Variants in PCDHA4 observed in about 807,000 individuals in gnomAD.
PCDHA4 encodes the protein protocadherin alpha 4, also known as protocadherin alpha-4.
In PCDHA4, 49 loss-of-function variants were observed where a neutral mutation model predicts 61.4. That is an observed-to-expected ratio of 0.80 (90% CI 0.63 to 1.01). The LOEUF (loss-of-function observed/expected upper bound fraction) is 1.01, where lower values mean the gene tolerates loss of function less well. Ranked by LOEUF, PCDHA4 falls within the 50% of genes least tolerant of loss-of-function variation. PCDHA4 has a pLI of 0.00. For synonymous variants in PCDHA4, 590 were observed against 550.3 expected (o/e 1.07, Z -1.01); for missense variants, 1,254 against 1,235.8 (o/e 1.01, Z -0.22).
At chr5:140,815,471 C>T (rs1243746743) in intron 1 of PCDHA4, 2 of 152,062 alleles carry the variant, frequency 1.3e-5, no homozygotes, top group Admixed American at 6.6e-5. Flanking sequence ...ATTATGTTTA[C>T]TTCTCCCCTA....
At chr5:140,844,829 G>A (rs1252495421) in intron 1 of PCDHA4, among the ~76,000 whole-genome samples, 1 of 148,848 alleles carries the variant, frequency 6.7e-6, no homozygotes, top group East Asian at 1.9e-4. Flanking sequence ...CTTTTTACAC[G>A]TTTGCTTCTT....
chr5:140,807,985 C>T lies in PCDHA4; in HGVS notation c.798C>T (p.Ala266=), dbSNP rs782010468. Reference sequence around the variant, plus strand: ...GAACATTGGTAATTAAACTTAACGCCTCAGATTTAGACGAAGGATTGAATG... The same window carrying T: ...GAACATTGGTAATTAAACTTAACGCTTCAGATTTAGACGAAGGATTGAATG... ...PNGTLVIKLN[A]SDLDEGLNGD... Residue 266 remains alanine, a synonymous_variant, in exon 1 of 4, where the codon GCC becomes GCT. Transcript: ENST00000530339. The T allele has an allele frequency of 1.9e-6, 3 of 1,613,554 alleles. No individual in the cohort carries two copies. The highest frequency in any genetic ancestry group is 4.5e-5 in the East Asian group (2 of 44,896).
chr5:140,812,982 T>C, intron 1 of PCDHA4: 1 of 152,248 alleles, frequency 6.6e-6, no homozygotes, highest in Non-Finnish European at 1.5e-5. Context: ...TCTAGTTTTA[T>C]TCCACTGTGG....
chr5:140,891,876 G>C (rs781983742), intron 1 of PCDHA4, among the ~76,000 whole-genome samples: 9 of 152,186 alleles, frequency 5.9e-5, no homozygotes, highest in Non-Finnish European at 1.2e-4. Context: ...TTTTGGCTCT[G>C]TCATGTGACG....
rs1032045343 is a variant in PCDHA4 at position 140,949,549 on chromosome 5, G to A, written c.2386-29400G>A. On this transcript the variant is annotated intron_variant, in intron 1 of 3. Transcript: ENST00000530339. Reference sequence around the variant, plus strand: ...CTTCATAAAATATCGATTTGTTGCTGGTCATACTTTTTTTCTTGTAGTAGC... The same window carrying A: ...CTTCATAAAATATCGATTTGTTGCTAGTCATACTTTTTTTCTTGTAGTAGC... Among the ~76,000 whole-genome samples the A allele has an allele frequency of 2.0e-5, 3 of 151,684 alleles. No homozygotes were observed. In the South Asian group the frequency reaches 6.2e-4, roughly 31 times the overall value.
chr5:140,967,282 G>T, intron 1 of PCDHA4: 1 of 1,613,078 alleles, frequency 6.2e-7, no homozygotes. Flanking sequence ...TAGAGAGTGC[G>T]CAGGACCCCG....
At position 140,842,761 on chromosome 5, in the gene PCDHA4, A is replaced by G. The variant is rs200442158; in HGVS notation, c.2385+33189A>G. ...GCCACATCTTCACGGTGTCTGCGCG[A>G]GACGCGGACGCGCAGGAGAACGCGC... On this transcript the variant is annotated intron_variant, in intron 1 of 3. Coordinates refer to ENST00000530339, the MANE Select transcript of PCDHA4 (RefSeq NM_018907.4). 1.6e-5 allele frequency: 26 copies of G among 1,594,610 alleles called. 2 individuals are homozygous for G. The highest frequency in any genetic ancestry group is 4.5e-5 in the East Asian group (2 of 44,836).
intron 1 of PCDHA4, chr5:140,836,153 G>T: frequency 6.2e-7 from 1 of 1,613,816 alleles, no homozygotes; most frequent in Non-Finnish European, 8.5e-7. Context: ...CGGGCCATGT[G>T]GTGGCGAAGG....
rs1272806838 is a variant in PCDHA4, at chr5:140,818,351, CATTG to C, written c.2385+8785_2385+8788del. ...TGTTATTCTAGGCCACTGTCAAAGTCATTGATTGAATTCTTAACTTGAATCGTGG... is the reference window on the plus strand; with the variant it reads ...TGTTATTCTAGGCCACTGTCAAAGTCATTGAATTCTTAACTTGAATCGTGG... On this transcript the variant is annotated intron_variant, in intron 1 of 3. Coordinates refer to ENST00000530339, the MANE Select transcript of PCDHA4 (RefSeq NM_018907.4). 7.2e-5 allele frequency among the ~76,000 whole-genome samples: 11 copies of C among 152,282 alleles called. No individual in the cohort carries two copies. The South Asian group carries it at 2.3e-3, about 32-fold the overall frequency.
intron 1 of PCDHA4, chr5:140,926,614 C>A (rs2083406581): frequency 5.3e-6 from 2 of 377,642 alleles, no homozygotes; most frequent in Admixed American, 4.4e-5. Context: ...TCTCTGCACC[C>A]CTAGGCGGCG....
intron 1 of PCDHA4, 108 bp downstream of exon 1, chr5:140,809,680 C>G (rs1325474116): frequency 4.5e-6 from 6 of 1,338,242 alleles, no homozygotes; most frequent in Non-Finnish European, 5.1e-6. Context: ...AATTTTACCT[C>G]TTTTTACATA....
At position 140,978,992 on chromosome 5, in the gene PCDHA4, G is replaced by T. The variant is rs1363421000; in HGVS notation, c.2429G>T (p.Arg810Ile). The change falls in exon 2 of 4, where the codon AGA (arginine) becomes ATA (isoleucine). Residue 810 changes from arginine to isoleucine, a missense_variant. Arg to Ile is a moderately conservative substitution (Grantham distance 97). Transcript: ENST00000530339. ...NPDWRYSASL[R>I]AGMHSSVHLE... Reference sequence around the variant, plus strand: ...GACTGGCGTTACTCTGCCTCCCTGAGAGCAGGCATGCACAGGTATGTATTT... The same window carrying T: ...GACTGGCGTTACTCTGCCTCCCTGATAGCAGGCATGCACAGGTATGTATTT... The T allele has an allele frequency of 8.1e-6, 13 of 1,614,060 alleles. No homozygotes were observed. Among genetic ancestry groups the T allele is most frequent in the Non-Finnish European group, 1.1e-5 (13 of 1,180,034 alleles).
At chr5:140,941,214 C>CCTTTCTTTCTTT (rs60032403) in intron 1 of PCDHA4, among the ~76,000 whole-genome samples, 2,129 of 122,416 alleles carry the variant, frequency 0.017, 41 homozygotes, top group Non-Finnish European at 0.024. Context: ...TTTCTTTCTT[C>CCTTTCTTTCTTT]CTTTCTTTCT....
intron 1 of PCDHA4, among the ~76,000 whole-genome samples, chr5:140,904,463 AT>A (rs2071154368): frequency 6.6e-6 from 1 of 151,520 alleles, no homozygotes; most frequent in Non-Finnish European, 1.5e-5. Flanking sequence ...ACACTTGTTG[AT>A]TGGTGGCTAT....
intron 1 of PCDHA4, among the ~76,000 whole-genome samples, chr5:140,881,688 T>C (rs2153380887): frequency 6.6e-6 from 1 of 152,368 alleles, no homozygotes; most frequent in Middle Eastern, 3.4e-3. Flanking sequence ...TATGTTTCCT[T>C]TTGGAGTCAA....
intron 1 of PCDHA4, chr5:140,871,485 C>T (rs1554165663): frequency 8.2e-6 from 13 of 1,593,104 alleles, no homozygotes; most frequent in Admixed American, 1.8e-5. Context: ...GGTCAAATCA[C>T]CCCGGACAGG....
chr5:140,817,590 T>G (rs1430318435), intron 1 of PCDHA4: 1 of 152,218 alleles, frequency 6.6e-6, no homozygotes, highest in African/African-American at 2.4e-5. Context: ...TTTTAATAAT[T>G]CCAGGCAACG....
chr5:140,877,581 C>G (rs904001764), intron 1 of PCDHA4: 1 of 1,613,842 alleles, frequency 6.2e-7, no homozygotes, highest in Admixed American at 1.7e-5. Context: ...TCATCATCGC[C>G]ATCTGTGCGG....
At chr5:140,886,501 T>C (rs1171128056) in intron 1 of PCDHA4, among the ~76,000 whole-genome samples, 1 of 152,108 alleles carries the variant, frequency 6.6e-6, no homozygotes, top group Non-Finnish European at 1.5e-5. Flanking sequence ...TCTTTTTCCT[T>C]TTATGGATTT....
Sources: gnomAD v4.1 joint callset for allele counts (sites outside exome capture counted in the v4.1 genomes callset) on GRCh38, gnomAD v4.1.1 for gene constraint, MANE v1.5 for transcripts, NCBI Gene and HGNC (gene_info 2026-07-23, HGNC 2026-07-21) for gene names.